NRG1: variants seen among roughly 807,000 people sequenced by gnomAD.
NRG1 encodes neuregulin 1, also known as pro-neuregulin-1, membrane-bound isoform.
In NRG1, 18 loss-of-function variants were observed where a neutral mutation model predicts 63.8. The observed-to-expected ratio is 0.28, with a 90% CI of 0.19 to 0.42. NRG1 has a LOEUF of 0.42. Among genes scored for constraint, NRG1 ranks in the 10% least tolerant of loss-of-function variants. The pLI is 1.00. For missense variants in NRG1, 762 were observed against 814.7 expected, an observed-to-expected ratio of 0.94 and a Z score of 0.79; for synonymous variants, 302 against 301.3, an observed-to-expected ratio of 1.00 and a Z score of -0.02.
chr8:32,060,928 A>AT (rs200733884), intron 1 of NRG1, among the ~76,000 whole-genome samples: 3,213 of 151,136 alleles, frequency 0.021, 86 homozygotes, highest in African/African-American at 0.061. Context: ...TAGGTTTTAG[A>AT]TTTTTTTTTA....
chr8:32,427,411 C>A (rs566231445), intron 1 of NRG1, among the ~76,000 whole-genome samples: 1 of 152,272 alleles, frequency 6.6e-6, no homozygotes, highest in African/African-American at 2.4e-5. Context: ...CTCAGAGCCT[C>A]TTCTTACCAA....
At chr8:32,088,109 G>A (rs1375743813) in intron 1 of NRG1, among the ~76,000 whole-genome samples, 1 of 151,986 alleles carries the variant, frequency 6.6e-6, no homozygotes, top group Admixed American at 6.5e-5. Flanking sequence ...GAGTTCAATC[G>A]TACCCCATCT....
At position 32,146,514 on chromosome 8, in the gene NRG1, A is replaced by C. The variant is rs1836885073; in HGVS notation, c.38-449314A>C. On this transcript the variant is annotated intron_variant, in intron 1 of 10. Transcript: ENST00000519301. ...AATGATCCCTAATCAATGTAAAAAA[A>C]TTATCATTTCTCTTCTTTATGCTGT... 1.3e-5 allele frequency among the ~76,000 whole-genome samples: 2 copies of C among 152,160 alleles called. 1 individual carries two copies. The highest frequency in any genetic ancestry group is 4.1e-4 in the South Asian group (2 of 4,826).
intron 1 of NRG1, among the ~76,000 whole-genome samples, chr8:31,863,580 A>T (rs1828672776): frequency 6.6e-6 from 1 of 152,166 alleles, no homozygotes; most frequent in Non-Finnish European, 1.5e-5. Flanking sequence ...GCAACTAAAA[A>T]CACCCATAGG....
intron 5 of NRG1, chr8:32,647,134 G>A (rs112578267): frequency 1.0e-6 from 1 of 985,218 alleles, no homozygotes; most frequent in Admixed American, 6.1e-5. Context: ...GTGATGCTCC[G>A]AGGGCAGGCA....
intron 1 of NRG1, among the ~76,000 whole-genome samples, chr8:31,883,037 G>A (rs924400236): frequency 1.3e-5 from 2 of 152,014 alleles, no homozygotes; most frequent in African/African-American, 4.8e-5. Flanking sequence ...TTTATTGTGG[G>A]TAGCATGCTA....
At position 32,517,015 on chromosome 8, in the gene NRG1, T is replaced by A. The variant is rs188899816; in HGVS notation, c.38-78813T>A. Among the ~76,000 whole-genome samples the A allele has an allele frequency of 9.2e-5, 14 of 152,272 alleles. No individual in the cohort carries two copies. In the East Asian group the frequency reaches 2.7e-3, roughly 29 times the overall value. ...AAGGATCTCTGGAAATAGGAAAATATTTAAGAAATTCTATAAGTAAAAATG... is the reference window on the plus strand; with the variant it reads ...AAGGATCTCTGGAAATAGGAAAATAATTAAGAAATTCTATAAGTAAAAATG... On this transcript the variant is annotated intron_variant, in intron 1 of 10. Coordinates refer to the NRG1 transcript ENST00000519301.
At chr8:32,293,314 G>C (rs1422771757) in intron 1 of NRG1, among the ~76,000 whole-genome samples, 1 of 152,114 alleles carries the variant, frequency 6.6e-6, no homozygotes, top group African/African-American at 2.4e-5. Context: ...TTTTGAGATA[G>C]ACACACAGGG....
At chr8:32,555,285 G>A (rs1215472120) in intron 1 of NRG1, among the ~76,000 whole-genome samples, 1 of 152,100 alleles carries the variant, frequency 6.6e-6, no homozygotes, top group Non-Finnish European at 1.5e-5. Context: ...TCTGGCATTG[G>A]AAAACTATAG....
intron 1 of NRG1, among the ~76,000 whole-genome samples, chr8:32,309,445 C>A (rs949361755): frequency 1.3e-5 from 2 of 152,158 alleles, no homozygotes; most frequent in Admixed American, 1.3e-4. Context: ...GCCCCTTCTT[C>A]AGACTTCACT....
At chr8:32,726,917 A>AT (rs34397296) in intron 5 of NRG1, among the ~76,000 whole-genome samples, 7,007 of 146,726 alleles carry the variant, frequency 0.048, 206 homozygotes, top group Middle Eastern at 0.1. Flanking sequence ...CTAAAGATGG[A>AT]TTTTTTTTTT....
intron 1 of NRG1, among the ~76,000 whole-genome samples, chr8:32,593,651 C>CTAAA (rs201540436): frequency 0.026 from 3,998 of 151,566 alleles, 186 homozygotes; most frequent in African/African-American, 0.092. Context: ...AAGATCCTGT[C>CTAAA]TAAATAAATA....
intron 1 of NRG1, chr8:32,256,410 T>G (rs1849704193): frequency 6.6e-6 from 1 of 152,242 alleles, no homozygotes; most frequent in Non-Finnish European, 1.5e-5. Context: ...TGCTATTCCT[T>G]TCTGTTTGTT....
chr8:32,548,293 C>G lies in NRG1; in HGVS notation c.-434C>G. ...TGGCTGCGGGGCAATTGAAAAAGAGCCGGCGAGGAGTTCCCCGAAACTTGT... is the reference window on the plus strand; with the variant it reads ...TGGCTGCGGGGCAATTGAAAAAGAGGCGGCGAGGAGTTCCCCGAAACTTGT... On this transcript the variant is annotated 5_prime_UTR_variant, in exon 1 of 12. Coordinates refer to ENST00000356819, the Ensembl canonical transcript of NRG1. 2.0e-6 allele frequency: 2 copies of G among 988,732 alleles called. No individual in the cohort carries two copies. The highest frequency in any genetic ancestry group is 1.2e-6 in the Non-Finnish European group (1 of 832,308). The allele number at this position is 988,732 out of a possible 1,614,324, so 61.2% of individuals were successfully genotyped here. A position where few individuals can be genotyped will look rare whatever the true frequency, so the allele number is the denominator to read the frequency against.
intron 1 of NRG1, among the ~76,000 whole-genome samples, chr8:32,108,901 A>C (rs1217886077): frequency 1.3e-5 from 2 of 152,194 alleles, no homozygotes; most frequent in African/African-American, 2.4e-5. Flanking sequence ...GAACCGTAAG[A>C]TAATAAATTC....
At chr8:31,764,203 A>G (rs975976098) in intron 1 of NRG1, among the ~76,000 whole-genome samples, 1 of 152,096 alleles carries the variant, frequency 6.6e-6, no homozygotes, top group African/African-American at 2.4e-5. Flanking sequence ...TGGTAGATTG[A>G]CATGCAGTTG....
Position 32,622,658 on chromosome 8 carries a change from G to A in NRG1, c.502+5773G>A, listed in dbSNP as rs147392168. Among the ~76,000 whole-genome samples, 874 of 152,234 alleles carry A rather than the reference G, an allele frequency of 5.7e-3. 5 individuals are homozygous for A. The highest frequency in any genetic ancestry group is 0.02 in the African/African-American group (832 of 41,534). Reference sequence around the variant, plus strand: ...GATTCACCCATCTCAGCCTACCAAAGCGTTGGAATTGCAGGCATAAGCCAC... The same window carrying A: ...GATTCACCCATCTCAGCCTACCAAAACGTTGGAATTGCAGGCATAAGCCAC... On this transcript the variant is annotated intron_variant, in intron 5 of 11. Transcript: ENST00000356819.
rs369826756 is a variant in NRG1 at position 31,640,668 on chromosome 8, C to A, written c.37+1237C>A. On this transcript the variant is annotated intron_variant, in intron 1 of 10. Coordinates refer to the NRG1 transcript ENST00000519301. This position sits in a 1 kb window ranked among gnomAD's most constrained non-coding sequence, Gnocchi z 6.3. Reference sequence around the variant, plus strand: ...CGGCCGCCTTCCGAGCCTCTTTCCCCCCTCTGGAGACGGGCCGGAACCTCA... The same window carrying A: ...CGGCCGCCTTCCGAGCCTCTTTCCCACCTCTGGAGACGGGCCGGAACCTCA... 16 of 1,607,978 alleles carry A rather than the reference C, an allele frequency of 1.0e-5. No individual in the cohort carries two copies. The East Asian group carries it at 3.1e-4, about 32-fold the overall frequency.
At chr8:32,056,160 G>T (rs977478498) in intron 1 of NRG1, among the ~76,000 whole-genome samples, 3 of 152,132 alleles carry the variant, frequency 2.0e-5, no homozygotes, top group African/African-American at 7.2e-5. Flanking sequence ...GAGTTGGCCT[G>T]ATAAATTCAT....
Sources: allele counts gnomAD v4.1 joint callset (sites outside exome capture counted in the v4.1 genomes callset), GRCh38; gene constraint gnomAD v4.1.1; non-coding constraint Gnocchi (gnomAD v3.1); transcripts MANE v1.5; gene names NCBI Gene and HGNC (gene_info 2026-07-23, HGNC 2026-07-21).